The following ZNF804B variants were observed in gnomAD, a reference collection of about 807,000 sequenced individuals.
ZNF804B encodes zinc finger protein 804B.
ZNF804B carries 80 observed loss-of-function variants against 101.4 expected under a neutral mutation model. The ratio of observed to expected loss-of-function variants is 0.79; its 90% CI spans 0.66 to 0.95. The LOEUF is 0.95. Among genes scored for constraint, ZNF804B ranks in the 40% least tolerant of loss-of-function variants. ZNF804B has a pLI of 0.00. For synonymous variants in ZNF804B, 622 were observed against 558.8 expected, an observed-to-expected ratio of 1.11 and a Z score of -1.59; for missense variants, 1,673 against 1,561.9, an observed-to-expected ratio of 1.07 and a Z score of -1.20.
At chr7:88,808,237 C>T (rs772125190) in intron 1 of ZNF804B, among the ~76,000 whole-genome samples, 5 of 151,984 alleles carry the variant, frequency 3.3e-5, no homozygotes, top group Non-Finnish European at 5.9e-5. Context: ...TAAAAATTAG[C>T]CAGGCATGGT....
At chr7:88,861,462 G>A (rs1244089337) in intron 1 of ZNF804B, among the ~76,000 whole-genome samples, 2 of 152,166 alleles carry the variant, frequency 1.3e-5, no homozygotes, top group African/African-American at 4.8e-5. Flanking sequence ...ACAAATACCA[G>A]TTAATATCTA....
intron 2 of ZNF804B, among the ~76,000 whole-genome samples, chr7:89,316,996 A>G (rs1306765628): frequency 6.6e-6 from 1 of 152,218 alleles, no homozygotes; most frequent in Non-Finnish European, 1.5e-5. Flanking sequence ...CTTTACTTTC[A>G]GCCTAGCAGC....
At chr7:88,889,688 T>G (rs1247877445) in intron 1 of ZNF804B, among the ~76,000 whole-genome samples, 1 of 105,170 alleles carries the variant, frequency 9.5e-6, no homozygotes, top group African/African-American at 4.6e-5. Context: ...CATATGCCAC[T>G]TGCATAGTTG....
At chr7:88,907,627 G>A (rs1021433347) in intron 1 of ZNF804B, among the ~76,000 whole-genome samples, 18 of 151,982 alleles carry the variant, frequency 1.2e-4, no homozygotes, top group African/African-American at 4.1e-4. Context: ...GACTAACTAA[G>A]TAGCCCAAAG....
At chr7:89,208,075 T>C (rs1022357452) in intron 1 of ZNF804B, among the ~76,000 whole-genome samples, 14 of 149,118 alleles carry the variant, frequency 9.4e-5, no homozygotes, top group African/African-American at 3.4e-4. Context: ...ATTTACTATT[T>C]TATTGGGTTT....
At chr7:89,206,614 T>C (rs1788718063) in intron 1 of ZNF804B, among the ~76,000 whole-genome samples, 1 of 152,058 alleles carries the variant, frequency 6.6e-6, no homozygotes, top group Admixed American at 6.5e-5. Context: ...TAGTCAGGCA[T>C]GGTGGCTGGT....
At chr7:89,140,853 A>T (rs1445786830) in intron 1 of ZNF804B, among the ~76,000 whole-genome samples, 1 of 152,050 alleles carries the variant, frequency 6.6e-6, no homozygotes, top group African/African-American at 2.4e-5. Context: ...TTACACTAAC[A>T]GCTTGGCTAA....
chr7:88,863,683 A>C (rs1283245638), intron 1 of ZNF804B, among the ~76,000 whole-genome samples: 1 of 152,254 alleles, frequency 6.6e-6, no homozygotes, highest in Non-Finnish European at 1.5e-5. Flanking sequence ...TAGAGTGGAT[A>C]TCAAGTAAGG....
At chr7:89,070,282 C>T (rs1042279859) in intron 1 of ZNF804B, among the ~76,000 whole-genome samples, 1 of 152,054 alleles carries the variant, frequency 6.6e-6, no homozygotes, top group African/African-American at 2.4e-5. Context: ...ATGCAAAAGG[C>T]GCTGGCTTGA....
intron 1 of ZNF804B, among the ~76,000 whole-genome samples, chr7:89,018,572 T>C (rs1355810987): frequency 1.9e-4 from 29 of 152,080 alleles, no homozygotes. Flanking sequence ...CCTTCAATTT[T>C]TGGAATCGTT....
intron 1 of ZNF804B, among the ~76,000 whole-genome samples, chr7:89,042,297 A>C (rs894125833): frequency 1.5e-4 from 23 of 152,176 alleles, no homozygotes; most frequent in African/African-American, 5.3e-4. Flanking sequence ...ATGTTATAAT[A>C]TTTCTGAAAG....
intron 1 of ZNF804B, among the ~76,000 whole-genome samples, chr7:89,176,586 T>TTTTTTTTTTTTTTTTTTTTTTG (rs1791323680): frequency 8.3e-6 from 1 of 120,568 alleles, no homozygotes; most frequent in African/African-American, 3.3e-5. Flanking sequence ...TTTCTTTCTT[T>TTTTTTTTTTTTTTTTTTTTTTG]CTTTCTTTTT....
intron 1 of ZNF804B, among the ~76,000 whole-genome samples, chr7:89,152,179 A>T (rs1198958237): frequency 1.3e-5 from 2 of 151,908 alleles, no homozygotes; most frequent in Non-Finnish European, 2.9e-5. Context: ...TTTAAGTGAG[A>T]TAAGAGAGCT....
At chr7:88,996,056 CA>C (rs1788190321) in intron 1 of ZNF804B, among the ~76,000 whole-genome samples, 1 of 151,828 alleles carries the variant, frequency 6.6e-6, no homozygotes, top group South Asian at 2.1e-4. Context: ...GATCCTGGAA[CA>C]AAAACAGAAA....
chr7:89,305,897 G>C lies in ZNF804B; in HGVS notation c.250-21447G>C, dbSNP rs969786150. On this transcript the variant is annotated intron_variant, in intron 2 of 3. Transcript: ENST00000333190. Reference sequence around the variant, plus strand: ...TTTTTATGGTAGCCATTTTTATTCTGATACTTTGTAAAGATACTAAAGGTT... The same window carrying C: ...TTTTTATGGTAGCCATTTTTATTCTCATACTTTGTAAAGATACTAAAGGTT... Among the ~76,000 whole-genome samples, 5 of 151,792 alleles carry C rather than the reference G, an allele frequency of 3.3e-5. No individual in the cohort carries two copies. In the East Asian group the frequency reaches 9.7e-4, roughly 29 times the overall value.
chr7:89,051,088 A>G (rs559069543), intron 1 of ZNF804B, among the ~76,000 whole-genome samples: 2 of 152,196 alleles, frequency 1.3e-5, no homozygotes, highest in African/African-American at 4.8e-5. Flanking sequence ...AGATGTATCA[A>G]TGTTTTCAAC....
chr7:89,267,879 A>G (rs2115829994), intron 2 of ZNF804B, among the ~76,000 whole-genome samples: 1 of 152,236 alleles, frequency 6.6e-6, no homozygotes, highest in African/African-American at 2.4e-5. Flanking sequence ...TTTGTGACAT[A>G]TTGTGGGGTT....
intron 1 of ZNF804B, among the ~76,000 whole-genome samples, chr7:89,184,543 C>A (rs900498407): frequency 2.6e-5 from 4 of 152,108 alleles, no homozygotes; most frequent in Admixed American, 2.0e-4. Flanking sequence ...CATGTGATTT[C>A]ATGCTTTCTA....
chr7:88,776,730 T>C (rs1453394542), intron 1 of ZNF804B, among the ~76,000 whole-genome samples: 1 of 151,550 alleles, frequency 6.6e-6, no homozygotes, highest in Non-Finnish European at 1.5e-5. Context: ...ACTGTTTAAA[T>C]GTCTTACTGT....
Sources: allele counts gnomAD v4.1 joint callset (sites outside exome capture counted in the v4.1 genomes callset), GRCh38; gene constraint gnomAD v4.1.1; transcripts MANE v1.5; gene names NCBI Gene and HGNC (gene_info 2026-07-23, HGNC 2026-07-21).